Variants in POLR3B observed in about 807,000 individuals in gnomAD.
POLR3B encodes DNA-directed RNA polymerase III subunit RPC2.
POLR3B carries 96 observed loss-of-function variants against 147.4 expected under a neutral mutation model. That is an observed-to-expected ratio of 0.65 (90% CI 0.55 to 0.77). The LOEUF (loss-of-function observed/expected upper bound fraction) is 0.77, where lower values mean the gene tolerates loss of function less well. Ranked by LOEUF, POLR3B falls within the 30% of genes least tolerant of loss-of-function variation. The pLI is 0.00. For synonymous variants in POLR3B, 461 were observed against 485.9 expected (o/e 0.95, Z 0.67); for missense variants, 1,036 against 1,413.5 (o/e 0.73, Z 4.28).
In POLR3B at chr12:106,393,295, C is replaced by G. The variant is rs373121931; in HGVS notation, c.846+142C>G. ...GGGAGATATGGGAGGAGTGAAGTTT[C>G]TTTAACTCACTTTCGTCAGGTTTGG... On this transcript the variant is annotated intron_variant, in intron 10 of 27. Transcript: ENST00000228347. 1.1e-5 allele frequency: 14 copies of G among 1,233,810 alleles called. No homozygotes were observed. In the African/African-American group the frequency reaches 1.2e-4, roughly 10 times the overall value. 76.4% of individuals were successfully genotyped at this position (1,233,810 alleles called of 1,614,324 possible).
intron 24 of POLR3B, 38 bp downstream of exon 24, chr12:106,496,196 A>G (rs2038482192): frequency 1.6e-6 from 2 of 1,229,622 alleles, no homozygotes; most frequent in Non-Finnish European, 2.4e-6. Flanking sequence ...CATTGCCTTT[A>G]AGGAAGAAGC....
chr12:106,390,054 A>G (rs997347785), intron 9 of POLR3B, among the ~76,000 whole-genome samples: 4 of 152,118 alleles, frequency 2.6e-5, no homozygotes, highest in African/African-American at 9.7e-5. Context: ...CCCCATCTGT[A>G]CTAAATACAA....
At position 106,437,762 on chromosome 12, in the gene POLR3B, C is replaced by A. The variant is rs143400457; in HGVS notation, c.1938C>A (p.Tyr646Ter). The A allele has an allele frequency of 6.3e-7, 1 of 1,577,772 alleles. No homozygotes were observed. ...NEENDCNIAL[Y>*]EHTINKDTTH... ...AAAATGATTGTAACATTGCACTGTA[C>A]GAACACACAATTAATAAGTAAGTAG... Residue 646 changes from tyrosine (Y) to a stop codon, truncating the protein, a stop_gained, in exon 18 of 28, where the codon TAC (tyrosine) becomes TAA (stop). Transcript: ENST00000228347. LOFTEE classifies it high-confidence loss of function.
Position 106,437,141 on chromosome 12 carries a change from C to T in POLR3B, c.1856+10C>T, listed in dbSNP as rs757358851. On this transcript the variant is annotated intron_variant, in intron 17 of 27. Coordinates refer to ENST00000228347, the MANE Select transcript of POLR3B (RefSeq NM_018082.6). ...TGGCCCAAGGGTACAGGTAAGTAGC[C>T]AAAAGTAAAACTTACCAATCTCCTT... The T allele has an allele frequency of 1.3e-6, 2 of 1,587,670 alleles. No homozygotes were observed. Among genetic ancestry groups the T allele is most frequent in the South Asian group, 2.2e-5 (2 of 90,198 alleles).
At chr12:106,503,406 T>G (rs1055096414) in intron 26 of POLR3B, among the ~76,000 whole-genome samples, 2 of 152,160 alleles carry the variant, frequency 1.3e-5, no homozygotes, top group African/African-American at 4.8e-5. Flanking sequence ...TGCTCAAAGA[T>G]TACCTTTAAG....
intron 23 of POLR3B, among the ~76,000 whole-genome samples, chr12:106,468,886 G>C (rs1171980128): frequency 6.6e-6 from 1 of 152,166 alleles, no homozygotes; most frequent in Non-Finnish European, 1.5e-5. Context: ...TAGAATAAGT[G>C]CGATGTGGTG....
At chr12:106,462,134 C>T (rs1453406344) in intron 22 of POLR3B, among the ~76,000 whole-genome samples, 1 of 152,236 alleles carries the variant, frequency 6.6e-6, no homozygotes, top group African/African-American at 2.4e-5. Context: ...TCTCCCTCCT[C>T]CTGCTTCATG....
chr12:106,496,617 C>G, intron 24 of POLR3B, 135 bp from the exon 25 acceptor site: 4 of 780,050 alleles, frequency 5.1e-6, no homozygotes, highest in Non-Finnish European at 8.7e-6. Context: ...TCACACATGT[C>G]AAGCTTAAAT....
chr12:106,432,371 G>A lies in POLR3B; in HGVS notation c.1518G>A (p.Met506Ile). 3 of 1,613,730 alleles carry A rather than the reference G, an allele frequency of 1.9e-6. No individual in the cohort carries two copies. Among genetic ancestry groups the A allele is most frequent in the Non-Finnish European group, 8.5e-7 (1 of 1,179,656 alleles). ...LALMTHITTD[M>I]EDGPIVKLAS... ...TTATGACACACATCACAACTGATAT[G>A]GAAGATGGACCCATTGTTAAATTAG... The change falls in exon 15 of 28, where the codon ATG becomes ATA. Residue 506 changes from methionine to isoleucine, a missense_variant. Transcript: ENST00000228347.
At chr12:106,439,110 C>T (rs1404543795) in intron 18 of POLR3B, among the ~76,000 whole-genome samples, 2 of 152,184 alleles carry the variant, frequency 1.3e-5, no homozygotes, top group African/African-American at 4.8e-5. Flanking sequence ...TGTAATGGCT[C>T]ACCCCTATAA....
intron 23 of POLR3B, among the ~76,000 whole-genome samples, chr12:106,482,400 G>T (rs1332892122): frequency 2.0e-5 from 3 of 152,164 alleles, no homozygotes; most frequent in Non-Finnish European, 4.4e-5. Context: ...TCACAACTCT[G>T]CAGGCTGTAC....
At chr12:106,501,142 A>G (rs1394120098) in intron 25 of POLR3B, among the ~76,000 whole-genome samples, 181 bp from the exon 26 acceptor site, 1 of 152,210 alleles carries the variant, frequency 6.6e-6, no homozygotes, top group Non-Finnish European at 1.5e-5. Context: ...ATTTATCTTT[A>G]AATATAGCTA....
At chr12:106,451,662 AG>A (rs2037799449) in intron 19 of POLR3B, among the ~76,000 whole-genome samples, 1 of 139,488 alleles carries the variant, frequency 7.2e-6, no homozygotes, top group African/African-American at 2.7e-5. Flanking sequence ...AGGGAAGGAG[AG>A]GGGAGGAAAT....
intron 5 of POLR3B, 91 bp from the exon 6 acceptor site, chr12:106,369,492 C>T: frequency 1.0e-6 from 1 of 981,928 alleles, no homozygotes; most frequent in Middle Eastern, 2.1e-4. Context: ...CAATGTGGAC[C>T]ATAATTCTAC....
In POLR3B at chr12:106,454,564, C is replaced by CA. The variant is rs758413153; in HGVS notation, c.2151dup (p.Pro718ThrfsTer4). 1 of 1,609,834 alleles carries CA rather than the reference C, an allele frequency of 6.2e-7. No individual in the cohort carries two copies. Among genetic ancestry groups the CA allele is most frequent in the East Asian group, 2.2e-5 (1 of 44,828 alleles). On this transcript the variant is annotated frameshift_variant, in exon 20 of 28. Coordinates refer to ENST00000228347, the MANE Select transcript of POLR3B (RefSeq NM_018082.6). LOFTEE classifies it high-confidence loss of function. Reference sequence around the variant, plus strand: ...TCTCATGTATCTACTAGCATATCCACAAAAACCCATGGTTAAGACAAAAAC... The same window carrying CA: ...TCTCATGTATCTACTAGCATATCCACAAAAAACCCATGGTTAAGACAAAAAC...
intron 9 of POLR3B, among the ~76,000 whole-genome samples, chr12:106,390,822 T>G (rs369474968): frequency 6.6e-6 from 1 of 152,188 alleles, no homozygotes; most frequent in Non-Finnish European, 1.5e-5. Context: ...TTCTATTCAT[T>G]GGGAATTTAA....
chr12:106,423,186 C>T (rs2037394055), intron 12 of POLR3B, among the ~76,000 whole-genome samples: 1 of 152,112 alleles, frequency 6.6e-6, no homozygotes, highest in Admixed American at 6.6e-5. Context: ...TTCCTCTGTA[C>T]CCTTCTCAAC....
intron 6 of POLR3B, among the ~76,000 whole-genome samples, chr12:106,371,856 G>A (rs1171329851): frequency 6.6e-6 from 1 of 151,334 alleles, no homozygotes; most frequent in Non-Finnish European, 1.5e-5. Context: ...GAGTTAATGG[G>A]TGCAGCACAC....
intron 13 of POLR3B, among the ~76,000 whole-genome samples, chr12:106,428,224 T>A (rs777632417): frequency 3.3e-5 from 5 of 152,188 alleles, no homozygotes; most frequent in Admixed American, 1.3e-4. Context: ...TTCCAAAGAA[T>A]GCTTGAACAA....
Sources: gnomAD v4.1 joint callset for allele counts (sites outside exome capture counted in the v4.1 genomes callset) on GRCh38, gnomAD v4.1.1 for gene constraint, MANE v1.5 for transcripts, NCBI Gene and HGNC (gene_info 2026-07-23, HGNC 2026-07-21) for gene names.